The following CDH12 variants were observed in gnomAD, a reference collection of about 807,000 sequenced individuals.
CDH12 encodes cadherin-12.
A neutral mutation model predicts 74.1 loss-of-function variants in CDH12; 41 were observed. The ratio of observed to expected loss-of-function variants is 0.55; its 90% CI spans 0.43 to 0.72. The LOEUF (loss-of-function observed/expected upper bound fraction) is 0.72, where lower values mean the gene tolerates loss of function less well. Ranked by LOEUF, CDH12 falls within the 30% of genes least tolerant of loss-of-function variation. CDH12 has a pLI of 0.00. For synonymous variants in CDH12, 399 were observed against 355.0 expected (o/e 1.12, Z -1.39); for missense variants, 945 against 977.2 (o/e 0.97, Z 0.44).
chr5:21,942,334 G>GTATATATATATATATATATATATA (rs761850084), intron 6 of CDH12, among the ~76,000 whole-genome samples: 6 of 107,094 alleles, frequency 5.6e-5, no homozygotes, highest in African/African-American at 9.2e-5. Flanking sequence ...GACAAATACA[G>GTATATATATATATATATATATATA]TATATATATA....
intron 14 of CDH12, among the ~76,000 whole-genome samples, chr5:21,753,093 G>C (rs77903683): frequency 6.6e-6 from 1 of 152,054 alleles, no homozygotes; most frequent in Admixed American, 6.6e-5. Context: ...TACAAATGAC[G>C]ACGTCAGTGC....
At chr5:22,710,524 T>G (rs1416233519) in intron 1 of CDH12, among the ~76,000 whole-genome samples, 6 of 152,146 alleles carry the variant, frequency 3.9e-5, no homozygotes, top group African/African-American at 1.4e-4. Flanking sequence ...TTTGAAAAGT[T>G]GCTTCATAAT....
intron 3 of CDH12, among the ~76,000 whole-genome samples, chr5:22,347,711 A>G (rs1430306533): frequency 6.6e-6 from 1 of 152,188 alleles, no homozygotes; most frequent in Non-Finnish European, 1.5e-5. Flanking sequence ...GTTGAGGCAT[A>G]TGATGATTAT....
intron 3 of CDH12, among the ~76,000 whole-genome samples, chr5:22,297,056 T>C (rs1737659561): frequency 1.3e-5 from 2 of 152,074 alleles, no homozygotes; most frequent in Non-Finnish European, 2.9e-5. Flanking sequence ...AGTTTTGCTC[T>C]TGTTGCCCAG....
chr5:22,330,146 G>C lies in CDH12; in HGVS notation c.-333+75111C>G, dbSNP rs138571515. On this transcript the variant is annotated intron_variant, in intron 3 of 14. Coordinates refer to ENST00000382254, the MANE Select transcript of CDH12 (RefSeq NM_004061.5). ...TGAAGGGTAAAGAGGACTTTGTTTTGCATCATGGATACCAGCTCAGCCACA... is the reference window on the plus strand; with the variant it reads ...TGAAGGGTAAAGAGGACTTTGTTTTCCATCATGGATACCAGCTCAGCCACA... Among the ~76,000 whole-genome samples the C allele has an allele frequency of 9.3e-4, 142 of 152,232 alleles. 1 individual carries two copies. The highest frequency in any genetic ancestry group is 3.2e-3 in the African/African-American group (135 of 41,544).
At position 21,880,572 on chromosome 5, in the gene CDH12, T is replaced by TTCCCTTCC. The variant is rs1579895240; in HGVS notation, c.527-25783_527-25782insGGAAGGGA. ...CTTCCTTCCTTCCTTCCCTTCTTTC[T>TTCCCTTCC]TTCCTTCCTTCCTTCCTTCCTTCCT... On this transcript the variant is annotated intron_variant, in intron 6 of 14. Coordinates refer to ENST00000382254, the MANE Select transcript of CDH12 (RefSeq NM_004061.5). Among the ~76,000 whole-genome samples, 34 of 12,952 alleles carry TTCCCTTCC rather than the reference T, an allele frequency of 2.6e-3. 5 individuals carry two copies. Among genetic ancestry groups the TTCCCTTCC allele is most frequent in the African/African-American group, 5.1e-3 (34 of 6,648 alleles). The allele number at this position is 12,952 out of a possible 152,430, so 8.5% of individuals were successfully genotyped here.
intron 6 of CDH12, among the ~76,000 whole-genome samples, chr5:21,968,486 G>T (rs4028718): frequency 6.6e-6 from 1 of 152,170 alleles, no homozygotes; most frequent in African/African-American, 2.4e-5. Flanking sequence ...CATGGAAAAA[G>T]AACAGAATAA....
chr5:22,558,592 G>A (rs1392356255), intron 1 of CDH12, among the ~76,000 whole-genome samples: 1 of 151,810 alleles, frequency 6.6e-6, no homozygotes, highest in Non-Finnish European at 1.5e-5. Flanking sequence ...AAAGCCAAGA[G>A]AGACTTGAAG....
chr5:21,927,518 G>C lies in CDH12; in HGVS notation c.526+47573C>G, dbSNP rs531796775. ...AGGCACAAGAATCACTTGAACCCGG[G>C]AGGCGGAAGTTGCAGTGACCCAAGA... On this transcript the variant is annotated intron_variant, in intron 6 of 14. Transcript: ENST00000382254. Among the ~76,000 whole-genome samples the C allele has an allele frequency of 1.1e-4, 16 of 152,280 alleles. No individual in the cohort carries two copies. In the South Asian group the frequency reaches 3.3e-3, roughly 32 times the overall value.
chr5:21,999,698 G>T (rs539021175), intron 5 of CDH12, among the ~76,000 whole-genome samples: 248 of 151,452 alleles, frequency 1.6e-3, no homozygotes, highest in Non-Finnish European at 2.8e-3. Context: ...ATGTCGATAG[G>T]TCAATCTATC....
intron 5 of CDH12, among the ~76,000 whole-genome samples, chr5:22,065,388 G>T (rs1211818915): frequency 6.6e-6 from 1 of 152,122 alleles, no homozygotes; most frequent in Admixed American, 6.6e-5. Context: ...TTATTGGTAG[G>T]GCTCAATAAG....
At chr5:22,426,063 T>C (rs956696888) in intron 2 of CDH12, among the ~76,000 whole-genome samples, 2 of 152,014 alleles carry the variant, frequency 1.3e-5, no homozygotes, top group South Asian at 2.1e-4. Context: ...GGCGGGCGCC[T>C]GTAGTTCCAG....
At chr5:22,314,834 G>A (rs1738542988) in intron 3 of CDH12, among the ~76,000 whole-genome samples, 1 of 148,846 alleles carries the variant, frequency 6.7e-6, no homozygotes, top group Non-Finnish European at 1.5e-5. Flanking sequence ...ATTAGGGTTA[G>A]AATAGGTTAT....
chr5:22,795,790 G>A (rs1581008072), intron 1 of CDH12, among the ~76,000 whole-genome samples: 2 of 151,872 alleles, frequency 1.3e-5, no homozygotes, highest in African/African-American at 2.4e-5. Context: ...GTGTGGAAAT[G>A]AGAAATTATG....
At chr5:22,738,982 T>C (rs1356133715) in intron 1 of CDH12, among the ~76,000 whole-genome samples, 1 of 152,090 alleles carries the variant, frequency 6.6e-6, no homozygotes, top group Admixed American at 6.6e-5. Flanking sequence ...TGTACCAATT[T>C]ATAAACTAAT....
intron 1 of CDH12, among the ~76,000 whole-genome samples, chr5:22,545,208 C>A (rs998227060): frequency 2.0e-5 from 3 of 152,148 alleles, no homozygotes; most frequent in Admixed American, 6.5e-5. Flanking sequence ...CTTTGAGAGG[C>A]CATCTCCGGT....
At chr5:22,479,087 T>G (rs1004464553) in intron 2 of CDH12, among the ~76,000 whole-genome samples, 1 of 152,204 alleles carries the variant, frequency 6.6e-6, no homozygotes, top group Non-Finnish European at 1.5e-5. Context: ...AGATTCATAT[T>G]TCAGATATCA....
chr5:21,833,197 T>C (rs1339670374), intron 8 of CDH12, among the ~76,000 whole-genome samples: 11 of 37,180 alleles, frequency 3.0e-4, no homozygotes, highest in East Asian at 1.3e-3. Flanking sequence ...TAACATATAA[T>C]ATATATATTA....
intron 2 of CDH12, among the ~76,000 whole-genome samples, chr5:22,411,767 C>T (rs1457624539): frequency 6.6e-6 from 1 of 151,844 alleles, no homozygotes; most frequent in Non-Finnish European, 1.5e-5. Flanking sequence ...AATAAAAGAG[C>T]CCTGGTTCTT....
Sources: gnomAD v4.1 joint callset for allele counts (sites outside exome capture counted in the v4.1 genomes callset) on GRCh38, gnomAD v4.1.1 for gene constraint, MANE v1.5 for transcripts, NCBI Gene and HGNC (gene_info 2026-07-23, HGNC 2026-07-21) for gene names.